Variants in NCOA3 observed in about 807,000 individuals in gnomAD.
The protein encoded by NCOA3 is nuclear receptor coactivator 3, also known as CBP-interacting protein.
In NCOA3, 51 loss-of-function variants were observed where a neutral mutation model predicts 158.8. The ratio of observed to expected loss-of-function variants is 0.32; its 90% CI spans 0.26 to 0.41. NCOA3 has a LOEUF of 0.41. NCOA3 is among the 10% of genes least tolerant of loss of function. The pLI, the probability that NCOA3 is intolerant of heterozygous loss-of-function variation, is 1.00. For synonymous variants in NCOA3, 537 were observed against 592.4 expected (o/e 0.91, Z 1.36); for missense variants, 1,510 against 1,746.6 (o/e 0.86, Z 2.41).
chr20:47,525,202 C>T (rs368149758), intron 1 of NCOA3, among the ~76,000 whole-genome samples: 1 of 151,632 alleles, frequency 6.6e-6, no homozygotes, highest in Non-Finnish European at 1.5e-5. Context: ...TTAATCCATT[C>T]AACCCTGAGT....
intron 1 of NCOA3, among the ~76,000 whole-genome samples, chr20:47,532,109 C>CG (rs1568659854): frequency 1.1e-4 from 5 of 46,672 alleles, no homozygotes; most frequent in African/African-American, 3.4e-4. Context: ...TAGGGGGGGA[C>CG]TTGTGTGTGT....
In NCOA3 at chr20:47,637,632, A is replaced by T; in HGVS notation, c.2377-16A>T. On this transcript the variant is annotated splice_polypyrimidine_tract_variant and intron_variant, in intron 12 of 22. Coordinates refer to ENST00000371998, the MANE Select transcript of NCOA3 (RefSeq NM_181659.3). ...TGGTAATGTATACAGGTTAATTTTT[A>T]AAACTTTATTTTCAGGGATCTGGAG... 6.3e-7 allele frequency: 1 copy of T among 1,590,860 alleles called. No homozygotes were observed. Among genetic ancestry groups the T allele is most frequent in the Non-Finnish European group, 8.5e-7 (1 of 1,170,770 alleles).
rs1402263775 is a variant in NCOA3 at position 47,623,919 on chromosome 20, G to A, written c.92G>A (p.Cys31Tyr). 6.2e-7 allele frequency: 1 copy of A among 1,612,736 alleles called. No individual in the cohort carries two copies. Among genetic ancestry groups the A allele is most frequent in the South Asian group, 1.1e-5 (1 of 90,846 alleles). ...PCDTPGQGLT[C>Y]SGEKRRREQE... ...TACGCCTTTTCCCTTAGTCTTACCT[G>A]CAGTGGTGAAAAACGGAGACGGGAG... Residue 31 changes from cysteine to tyrosine, a missense_variant, in exon 4 of 23, where the codon TGC becomes TAC. This residue lies in a region of NCOA3 where 309 missense variants were observed against 427.1 expected (regional missense o/e 0.72). Coordinates refer to ENST00000371998, the MANE Select transcript of NCOA3 (RefSeq NM_181659.3).
chr20:47,570,465 A>C (rs1259478121), intron 1 of NCOA3, among the ~76,000 whole-genome samples: 1 of 152,296 alleles, frequency 6.6e-6, no homozygotes, highest in African/African-American at 2.4e-5. Context: ...CAACTCCTCA[A>C]ACTCCTCATC....
At position 47,647,110 on chromosome 20, in the gene NCOA3, G is replaced by A; in HGVS notation, c.3290G>A (p.Gly1097Asp). Reference sequence around the variant, plus strand: ...GAGCCCAAACAGGATGCTTTCCAAGGCCAAGAAGCAGCAGTAATGATGGAT... The same window carrying A: ...GAGCCCAAACAGGATGCTTTCCAAGACCAAGAAGCAGCAGTAATGATGGAT... The part of the protein sequence containing the change: ...ALEPKQDAFQ[G>D]QEAAVMMDQK... The change falls in exon 18 of 23, where the codon GGC becomes GAC. Residue 1097 changes from glycine to aspartate, a missense_variant. Transcript: ENST00000371998. 1 of 1,614,100 alleles carries A rather than the reference G, an allele frequency of 6.2e-7. No homozygotes were observed. The highest frequency in any genetic ancestry group is 8.5e-7 in the Non-Finnish European group (1 of 1,180,006).
chr20:47,567,399 CTT>C (rs533096346), intron 1 of NCOA3, among the ~76,000 whole-genome samples: 1 of 143,680 alleles, frequency 7.0e-6, no homozygotes, highest in African/African-American at 2.5e-5. Context: ...TTCTTTCTTT[CTT>C]TTTTTTTTTT....
In NCOA3 at chr20:47,636,447, G is replaced by A. The variant is rs987135073; in HGVS notation, c.2061G>A (p.Lys687=). 2 of 1,614,134 alleles carry A rather than the reference G, an allele frequency of 1.2e-6. No homozygotes were observed. Among genetic ancestry groups the A allele is most frequent in the Non-Finnish European group, 8.5e-7 (1 of 1,180,034 alleles). ...AAGAGAAGCACCGGATTTTGCACAA[G>A]TTGCTGCAGAATGGGAATTCACCAG... The part of the protein sequence containing the change: ...LLQEKHRILH[K]LLQNGNSPAE... Residue 687 remains lysine (K), a synonymous_variant, in exon 12 of 23, where the codon AAG becomes AAA. Coordinates refer to ENST00000371998, the MANE Select transcript of NCOA3 (RefSeq NM_181659.3).
Position 47,634,113 on chromosome 20 carries a change from A to G in NCOA3, c.1030A>G (p.Thr344Ala), listed in dbSNP as rs1338487800. 2 of 1,614,194 alleles carry G rather than the reference A, an allele frequency of 1.2e-6. No individual in the cohort carries two copies. The highest frequency in any genetic ancestry group is 4.5e-5 in the East Asian group (2 of 44,880). The stretch of plus-strand genomic sequence containing the variant: ...CTCGTTGGCTGATGGAACTATAGTG[A>G]CTGCACAGACAAAAAGCAAACTCTT... ...RFSLADGTIV[T>A]AQTKSKLFRN... Residue 344 changes from threonine (T) to alanine (A), a missense_variant, in exon 10 of 23, where the codon ACT becomes GCT. Coordinates refer to ENST00000371998, the MANE Select transcript of NCOA3 (RefSeq NM_181659.3).
At chr20:47,512,761 T>A (rs1014874160) in intron 1 of NCOA3, among the ~76,000 whole-genome samples, 3 of 152,138 alleles carry the variant, frequency 2.0e-5, no homozygotes, top group Non-Finnish European at 4.4e-5. Flanking sequence ...CGTTTGTTGG[T>A]AAGGATGTGG....
intron 2 of NCOA3, among the ~76,000 whole-genome samples, chr20:47,586,119 A>G (rs1485569303): frequency 3.9e-5 from 6 of 152,002 alleles, no homozygotes; most frequent in Non-Finnish European, 7.4e-5. Flanking sequence ...GGGTTTCACC[A>G]TGTTGGCCAG....
At chr20:47,582,801 CT>C (rs2085474243) in intron 1 of NCOA3, among the ~76,000 whole-genome samples, 1 of 152,080 alleles carries the variant, frequency 6.6e-6, no homozygotes, top group Non-Finnish European at 1.5e-5. Context: ...AATGGGAAGA[CT>C]TAATTTTTTT....
At position 47,615,191 on chromosome 20, in the gene NCOA3, A is replaced by G. The variant is rs945021910; in HGVS notation, c.-19-7038A>G. Among the ~76,000 whole-genome samples, 5 of 152,208 alleles carry G rather than the reference A, an allele frequency of 3.3e-5. 1 individual carries two copies. The South Asian group carries it at 6.2e-4, about 19-fold the overall frequency. Reference sequence around the variant, plus strand: ...AGGGTCATGGTAAATAAATTACAGTATATATGAGATGTCTAGTATTGTACT... The same window carrying G: ...AGGGTCATGGTAAATAAATTACAGTGTATATGAGATGTCTAGTATTGTACT... On this transcript the variant is annotated intron_variant, in intron 2 of 22. Transcript: ENST00000371998.
chr20:47,556,365 C>T (rs138097831), intron 1 of NCOA3, among the ~76,000 whole-genome samples: 2,024 of 152,284 alleles, frequency 0.013, 15 homozygotes, highest in Non-Finnish European at 0.021. Flanking sequence ...TTGTGACTAA[C>T]TCCACAAGGT....
intron 2 of NCOA3, among the ~76,000 whole-genome samples, chr20:47,598,107 C>T (rs1254480279): frequency 6.6e-6 from 1 of 150,958 alleles, no homozygotes; most frequent in East Asian, 2.1e-4. Context: ...ATTAGCCAGG[C>T]GTGGTGGCGG....
rs771949703 is a variant in NCOA3 at position 47,652,529 on chromosome 20, A to G, written c.4070A>G (p.Tyr1357Cys). ...CAACACCCGCAGGCTGCATCCATCT[A>G]TCAGTCCTCAGAAATGAAGGGCTGG... ...MMQHPQAASI[Y>C]QSSEMKGWPS... The change falls in exon 21 of 23, where the codon TAT becomes TGT. Residue 1357 changes from tyrosine (Y) to cysteine (C), a missense_variant. Physicochemically the swap from Tyr to Cys is radical, Grantham distance 194. Around this residue, in one of 4 missense-constraint regions of NCOA3, gnomAD observed 180 missense variants for 199.3 expected, o/e 0.90. Transcript: ENST00000371998. The G allele has an allele frequency of 6.2e-6, 10 of 1,613,988 alleles. No individual in the cohort carries two copies. Among genetic ancestry groups the G allele is most frequent in the South Asian group, 5.5e-5 (5 of 91,082 alleles).
intron 1 of NCOA3, among the ~76,000 whole-genome samples, chr20:47,552,603 G>A (rs1327567365): frequency 1.3e-5 from 2 of 151,964 alleles, no homozygotes; most frequent in South Asian, 4.1e-4. Context: ...TATATTCTTT[G>A]TCTCATACTG....
At chr20:47,518,010 A>G (rs962557709) in intron 1 of NCOA3, among the ~76,000 whole-genome samples, 3 of 152,100 alleles carry the variant, frequency 2.0e-5, no homozygotes, top group African/African-American at 7.2e-5. Context: ...TTTTAACTCC[A>G]TTTCCAGGTA....
At chr20:47,577,123 AT>A (rs1401548261) in intron 1 of NCOA3, among the ~76,000 whole-genome samples, 1 of 152,198 alleles carries the variant, frequency 6.6e-6, no homozygotes, top group Non-Finnish European at 1.5e-5. Context: ...TCATCAGTGG[AT>A]AGTATCGTTG....
At chr20:47,533,274 G>A (rs2084576747) in intron 1 of NCOA3, among the ~76,000 whole-genome samples, 1 of 131,932 alleles carries the variant, frequency 7.6e-6, no homozygotes, top group South Asian at 2.6e-4. Context: ...GACAGAGCCA[G>A]GTTCCGTCTC....
Sources: allele counts gnomAD v4.1 joint callset (sites outside exome capture counted in the v4.1 genomes callset), GRCh38; gene constraint gnomAD v4.1.1; regional missense constraint gnomAD v4.1.1; transcripts MANE v1.5; gene names NCBI Gene and HGNC (gene_info 2026-07-23, HGNC 2026-07-21).